Variants in SRPRB observed in about 807,000 individuals in gnomAD.
SRPRB encodes SRP receptor subunit beta, also known as signal recognition particle receptor subunit beta.
SRPRB carries 20 observed loss-of-function variants against 31.9 expected under a neutral mutation model. The observed-to-expected ratio is 0.63, with a 90% CI of 0.44 to 0.91. SRPRB has a LOEUF of 0.91. Ranked by LOEUF, SRPRB falls within the 40% of genes least tolerant of loss-of-function variation. SRPRB has a pLI of 0.00. For missense variants in SRPRB, 321 were observed against 324.9 expected (o/e 0.99, Z 0.09); for synonymous variants, 146 against 132.8 (o/e 1.10, Z -0.68).
intron 6 of SRPRB, among the ~76,000 whole-genome samples, chr3:133,817,296 G>C (rs1363564609): frequency 6.6e-6 from 1 of 152,102 alleles, no homozygotes. Flanking sequence ...ACTCAATAAT[G>C]CCTGTGAAGT....
chr3:133,812,117 A>G (rs75509322), intron 4 of SRPRB, among the ~76,000 whole-genome samples: 3,802 of 152,212 alleles, frequency 0.025, 101 homozygotes, highest in African/African-American at 0.064. Flanking sequence ...CTCTGAATTT[A>G]GAATATATCT....
chr3:133,802,613 G>C (rs1319069650), upstream of SRPRB, among the ~76,000 whole-genome samples: 2 of 152,072 alleles, frequency 1.3e-5, no homozygotes, highest in Non-Finnish European at 2.9e-5. Flanking sequence ...AGATGCTACT[G>C]ACCACTTATA....
upstream of SRPRB, among the ~76,000 whole-genome samples, chr3:133,800,920 A>G (rs989973005): frequency 1.3e-5 from 2 of 152,210 alleles, no homozygotes; most frequent in Non-Finnish European, 2.9e-5. Flanking sequence ...TCTTATCCAT[A>G]CAGCCTTCTT....
upstream of SRPRB, among the ~76,000 whole-genome samples, chr3:133,802,164 G>T (rs553293498): frequency 6.6e-6 from 1 of 152,164 alleles, no homozygotes; most frequent in Non-Finnish European, 1.5e-5. Context: ...CACCACTCTG[G>T]GGGGCTGAAG....
chr3:133,799,929 C>G (rs1935037196), intron 1 of SRPRB, among the ~76,000 whole-genome samples: 1 of 152,154 alleles, frequency 6.6e-6, no homozygotes, highest in Admixed American at 6.5e-5. Flanking sequence ...ACTGTAACGC[C>G]AGCATGTGCA....
At chr3:133,810,641 G>A (rs1935243469) in intron 3 of SRPRB, 1 of 151,230 alleles carries the variant, frequency 6.6e-6, no homozygotes, top group South Asian at 2.1e-4. Flanking sequence ...ATAAAGATTG[G>A]AGATCCCAGT....
chr3:133,824,562 G>A (rs1935526341), downstream of SRPRB: 1 of 152,144 alleles, frequency 6.6e-6, no homozygotes, highest in Non-Finnish European at 1.5e-5. Flanking sequence ...ACCAGACAGG[G>A]GTCTGGAGTC....
At chr3:133,792,929 C>A (rs538038640) in intron 1 of SRPRB, 1 of 152,246 alleles carries the variant, frequency 6.6e-6, no homozygotes, top group East Asian at 1.9e-4. Flanking sequence ...AAGCACCGAT[C>A]TGCTCTTTAA....
At chr3:133,817,361 AAG>A (rs1935385427) in intron 6 of SRPRB, among the ~76,000 whole-genome samples, 1 of 152,236 alleles carries the variant, frequency 6.6e-6, no homozygotes, top group Admixed American at 6.5e-5. Context: ...ATCAGGAAAA[AAG>A]AAATTAAAAC....
rs961577351 is a variant in SRPRB, at chr3:133,789,897, T to G, written c.-174+5753T>G. Reference sequence around the variant, plus strand: ...CGTTTGCGTTTTTTTTTTTTTTTTTTTTTTTTTTTTTGACAAATGAGCATA... The same window carrying G: ...CGTTTGCGTTTTTTTTTTTTTTTTTGTTTTTTTTTTTGACAAATGAGCATA... On this transcript the variant is annotated intron_variant, in intron 1 of 7. Coordinates refer to the SRPRB transcript ENST00000466490. The G allele has an allele frequency of 9.8e-4, 132 of 135,214 alleles. 1 individual carries two copies. Among genetic ancestry groups the G allele is most frequent in the African/African-American group, 3.3e-3 (124 of 37,764 alleles). The allele number at this position is 135,214 out of a possible 1,614,324, so 8.4% of individuals were successfully genotyped here. A position where few individuals can be genotyped will look rare whatever the true frequency, so the allele number is the denominator to read the frequency against.
In SRPRB at chr3:133,796,728, G is replaced by A. The variant is rs574802018; in HGVS notation, c.-173-8948G>A. The A allele has an allele frequency of 2.6e-5, 4 of 152,278 alleles. No individual in the cohort carries two copies. In the South Asian group the frequency reaches 8.3e-4, roughly 32 times the overall value. 9.4% of individuals were successfully genotyped at this position (152,278 alleles called of 1,614,324 possible). ...GACACCCTCCAGTAGTAACACTACT[G>A]GACATATAGTGGACAAAATTAAGTC... On this transcript the variant is annotated intron_variant, in intron 1 of 7. Coordinates refer to the SRPRB transcript ENST00000466490.
downstream of SRPRB, among the ~76,000 whole-genome samples, chr3:133,822,483 A>G (rs1401909628): frequency 2.6e-5 from 4 of 152,084 alleles, no homozygotes; most frequent in African/African-American, 7.2e-5. Flanking sequence ...GGGCCTTGGT[A>G]GCCTCTCCAC....
chr3:133,813,694 G>C (rs1382761874), intron 4 of SRPRB, among the ~76,000 whole-genome samples: 2 of 152,166 alleles, frequency 1.3e-5, no homozygotes, highest in African/African-American at 4.8e-5. Context: ...TGGGGTACCA[G>C]TTATTCTCCC....
At chr3:133,827,746 A>AGCCCCCCCC, downstream of SRPRB, 1 of 72,114 alleles carries the variant, frequency 1.4e-5, no homozygotes, top group Non-Finnish European at 2.7e-5. Context: ...TGCAGACAAC[A>AGCCCCCCCC]CCCCCCCCCC....
upstream of SRPRB, among the ~76,000 whole-genome samples, chr3:133,801,715 T>C (rs1258396497): frequency 6.6e-6 from 1 of 152,200 alleles, no homozygotes; most frequent in African/African-American, 2.4e-5. Flanking sequence ...GGTTATATTA[T>C]ACAAGGGGTG....
Position 133,815,656 on chromosome 3 carries a change from G to C in SRPRB, c.477G>C (p.Leu159=), listed in dbSNP as rs1194594910. The change falls in exon 5 of 7, where the codon CTG becomes CTC. Residue 159 remains leucine, a synonymous_variant. Coordinates refer to ENST00000678299, the MANE Select transcript of SRPRB (RefSeq NM_001379313.1). ...QREVKDVAEF[L]YQVLIDSMGL... ...AGGTGAAAGATGTGGCTGAGTTTCT[G>C]TATCAAGTCCTCATTGACAGTATGG... The C allele has an allele frequency of 1.2e-6, 2 of 1,613,934 alleles. No individual in the cohort carries two copies. The highest frequency in any genetic ancestry group is 1.7e-5 in the Admixed American group (1 of 59,992).
At chr3:133,813,905 GGGTC>G (rs1935318135) in intron 4 of SRPRB, among the ~76,000 whole-genome samples, 1 of 152,192 alleles carries the variant, frequency 6.6e-6, no homozygotes, top group Non-Finnish European at 1.5e-5. Flanking sequence ...TTCCCCTTGG[GGGTC>G]TTACACCTGG....
At chr3:133,828,063 C>G, downstream of SRPRB, 4 of 688,936 alleles carry the variant, frequency 5.8e-6, no homozygotes, top group Admixed American at 2.0e-5. Flanking sequence ...CCCTCAACCC[C>G]CTTCAAGGCT....
downstream of SRPRB, among the ~76,000 whole-genome samples, chr3:133,823,156 G>A (rs575564003): frequency 5.9e-5 from 9 of 152,330 alleles, no homozygotes; most frequent in Admixed American, 5.9e-4. Context: ...CAGCCCCAAC[G>A]GGACTGCCAC....
Sources: allele counts gnomAD v4.1 joint callset (sites outside exome capture counted in the v4.1 genomes callset), GRCh38; gene constraint gnomAD v4.1.1; transcripts MANE v1.5; gene names NCBI Gene and HGNC (gene_info 2026-07-23, HGNC 2026-07-21).